Variants in FBXO34 observed in about 807,000 individuals in gnomAD.
FBXO34 encodes F-box only protein 34.
FBXO34 carries 12 observed loss-of-function variants against 24.5 expected under a neutral mutation model. The ratio of observed to expected loss-of-function variants is 0.49; its 90% confidence interval spans 0.31 to 0.79. The LOEUF (loss-of-function observed/expected upper bound fraction) is 0.79, where lower values mean the gene tolerates loss of function less well. FBXO34 is among the 30% of genes least tolerant of loss of function. The pLI is 0.04. For synonymous variants in FBXO34, 320 were observed against 311.9 expected, an observed-to-expected ratio of 1.03 and a Z score of -0.27; for missense variants, 823 against 857.7, an observed-to-expected ratio of 0.96 and a Z score of 0.51.
chr14:55,338,113 G>A (rs990130228), intron 1 of FBXO34, among the ~76,000 whole-genome samples: 23 of 137,114 alleles, frequency 1.7e-4, no homozygotes, highest in African/African-American at 6.0e-4. Flanking sequence ...GCAGTGGCAC[G>A]ATCTCAGCTC....
At chr14:55,421,073 A>AG in the FBXO34 span, among the ~76,000 whole-genome samples, 1 of 151,614 alleles carries the variant, frequency 6.6e-6, no homozygotes, top group Non-Finnish European at 1.5e-5. Context: ...AAAAAAAAAA[A>AG]AAAAAGAAAA....
chr14:55,339,639 AT>A (rs1566562998), intron 1 of FBXO34: 1 of 152,144 alleles, frequency 6.6e-6, no homozygotes, highest in Non-Finnish European at 1.5e-5. Context: ...CCAATGATTG[AT>A]TTATCTATAG....
chr14:55,364,869 TG>T (rs761589032), downstream of FBXO34, among the ~76,000 whole-genome samples: 3 of 151,590 alleles, frequency 2.0e-5, no homozygotes, highest in Non-Finnish European at 2.9e-5. Context: ...CCTGAGTACC[TG>T]GGACCACAGA....
chr14:55,328,776 T>A (rs545023257), intron 1 of FBXO34, among the ~76,000 whole-genome samples: 1 of 152,284 alleles, frequency 6.6e-6, no homozygotes, highest in South Asian at 2.1e-4. Flanking sequence ...CTAAACTGTT[T>A]GAGGTGCCCT....
chr14:55,426,084 T>C, the FBXO34 span, among the ~76,000 whole-genome samples: 1 of 151,914 alleles, frequency 6.6e-6, no homozygotes, highest in African/African-American at 2.4e-5. Flanking sequence ...CTGGCCAATA[T>C]GGTAAAACCT....
At chr14:55,436,921 G>A in the FBXO34 span, 14 of 1,614,072 alleles carry the variant, frequency 8.7e-6, no homozygotes, top group Non-Finnish European at 1.7e-6. Context: ...TTCAGGGTTC[G>A]AATTAAATGC....
At chr14:55,426,224 T>C in the FBXO34 span, among the ~76,000 whole-genome samples, 2 of 150,588 alleles carry the variant, frequency 1.3e-5, no homozygotes, top group African/African-American at 4.9e-5. Flanking sequence ...GCTGAAATCA[T>C]GCCACTTCAC....
At chr14:55,435,275 G>GA in the FBXO34 span, among the ~76,000 whole-genome samples, 4 of 141,328 alleles carry the variant, frequency 2.8e-5, no homozygotes, top group Non-Finnish European at 4.5e-5. Flanking sequence ...ATAGTCAGGT[G>GA]AAATTTTTTT....
chr14:55,322,577 C>T (rs1357725480), intron 1 of FBXO34, among the ~76,000 whole-genome samples: 5 of 152,162 alleles, frequency 3.3e-5, no homozygotes, highest in South Asian at 2.1e-4. Flanking sequence ...CTCAAGTGAT[C>T]CTCTCACCTG....
At chr14:55,388,796 C>T in the FBXO34 span, among the ~76,000 whole-genome samples, 6 of 152,166 alleles carry the variant, frequency 3.9e-5, no homozygotes, top group Non-Finnish European at 8.8e-5. Context: ...CATGTACATT[C>T]TAAAAGAGCA....
the FBXO34 span, among the ~76,000 whole-genome samples, chr14:55,379,532 G>A: frequency 6.6e-6 from 1 of 152,140 alleles, no homozygotes; most frequent in African/African-American, 2.4e-5. Context: ...ACGACAGAGT[G>A]AGACCCTGTC....
chr14:55,440,472 G>A, the FBXO34 span: 2 of 1,611,922 alleles, frequency 1.2e-6, no homozygotes, highest in African/African-American at 1.3e-5. Flanking sequence ...CACTGTTGGG[G>A]GTGGGGGCGG....
At chr14:55,313,307 T>A (rs1391658259) in intron 1 of FBXO34, among the ~76,000 whole-genome samples, 1 of 152,178 alleles carries the variant, frequency 6.6e-6, no homozygotes, top group Non-Finnish European at 1.5e-5. Context: ...GACCACCTCA[T>A]CCTGGACTTC....
the FBXO34 span, chr14:55,413,506 T>G: frequency 7.5e-6 from 2 of 268,178 alleles, no homozygotes; most frequent in Non-Finnish European, 1.5e-5. Context: ...GCGCCACACT[T>G]CTCAATGAAG....
At position 55,351,649 on chromosome 14, in the gene FBXO34, C is replaced by T. The variant is rs764436403; in HGVS notation, c.1259C>T (p.Thr420Ile). Residue 420 changes from threonine (T) to isoleucine (I), a missense_variant, in exon 2 of 2, where the codon ACC becomes ATC. Around this residue, in one of 2 missense-constraint regions of FBXO34, gnomAD observed 693 missense variants for 659.1 expected, o/e 1.05. Transcript: ENST00000313833. ...ELVGLPFSSH[T>I]YSQASELPTD... ...GTTGGGTTACCTTTTTCCTCTCATA[C>T]CTATTCCCAAGCCTCTGAATTGCCC... 2 of 1,614,164 alleles carry T rather than the reference C, an allele frequency of 1.2e-6. No homozygotes were observed. Among genetic ancestry groups the T allele is most frequent in the Non-Finnish European group, 1.7e-6 (2 of 1,180,032 alleles).
At chr14:55,355,536 C>T (rs1478913141), downstream of FBXO34, among the ~76,000 whole-genome samples, 3 of 152,222 alleles carry the variant, frequency 2.0e-5, no homozygotes, top group East Asian at 3.8e-4. Context: ...TGAACATACA[C>T]ACTTTTTTTC....
the FBXO34 span, among the ~76,000 whole-genome samples, chr14:55,424,577 C>A: frequency 2.6e-5 from 4 of 152,168 alleles, no homozygotes; most frequent in Non-Finnish European, 5.9e-5. Context: ...TCAAAAAAGT[C>A]TGTTAATAAG....
At chr14:55,292,304 A>G (rs1398505635) in intron 1 of FBXO34, among the ~76,000 whole-genome samples, 2 of 152,194 alleles carry the variant, frequency 1.3e-5, no homozygotes, top group Non-Finnish European at 2.9e-5. Context: ...GGACTTAAGG[A>G]AAAACTTCAT....
chr14:55,434,603 A>G, the FBXO34 span, among the ~76,000 whole-genome samples: 13,899 of 152,152 alleles, frequency 0.091, 683 homozygotes, highest in African/African-American at 0.13. Context: ...GTGGACAATA[A>G]AAGTTGCCTA....
Sources: allele counts gnomAD v4.1 joint callset (sites outside exome capture counted in the v4.1 genomes callset), GRCh38; gene constraint gnomAD v4.1.1; regional missense constraint gnomAD v4.1.1; transcripts MANE v1.5; gene names NCBI Gene and HGNC (gene_info 2026-07-23, HGNC 2026-07-21).